Variants in CCAR1 observed in about 807,000 individuals in gnomAD.
CCAR1 encodes the protein cell division cycle and apoptosis regulator 1.
A neutral mutation model predicts 163.8 loss-of-function variants in CCAR1; 78 were observed. That is an observed-to-expected ratio of 0.48 (90% CI 0.40 to 0.57). CCAR1 has a LOEUF of 0.57. Among genes scored for constraint, CCAR1 ranks in the 20% least tolerant of loss-of-function variants. CCAR1 has a pLI of 0.00. For missense variants in CCAR1, 1,019 were observed against 1,365.2 expected, an observed-to-expected ratio of 0.75 and a Z score of 4.00; for synonymous variants, 443 against 460.7, an observed-to-expected ratio of 0.96 and a Z score of 0.49.
intron 19 of CCAR1, 67 bp downstream of exon 19, chr10:68,773,166 T>A: frequency 1.3e-6 from 1 of 796,296 alleles, no homozygotes. Flanking sequence ...TGACATTGTA[T>A]TCACTGAAAT....
At chr10:68,760,959 C>A in intron 15 of CCAR1, 48 bp from the exon 16 acceptor site, 1 of 761,194 alleles carries the variant, frequency 1.3e-6, no homozygotes, top group South Asian at 2.4e-5. Context: ...TGCCCCCCGC[C>A]CCCCGCCACC....
chr10:68,781,218 G>A (rs1334963281), intron 19 of CCAR1, among the ~76,000 whole-genome samples: 1 of 151,384 alleles, frequency 6.6e-6, no homozygotes, highest in Non-Finnish European at 1.5e-5. Flanking sequence ...GGGTGACAGA[G>A]TGAGACTCTG....
intron 16 of CCAR1, among the ~76,000 whole-genome samples, chr10:68,761,506 C>G (rs1190544541): frequency 6.6e-6 from 1 of 151,782 alleles, no homozygotes; most frequent in African/African-American, 2.4e-5. Context: ...CGGGGTTTCA[C>G]CATGTTGGCA....
intron 17 of CCAR1, among the ~76,000 whole-genome samples, chr10:68,767,448 T>C (rs1223985211): frequency 2.6e-5 from 4 of 151,992 alleles, no homozygotes; most frequent in African/African-American, 9.7e-5. Context: ...TTTGTATTTT[T>C]AGTAGGGACA....
intron 10 of CCAR1, among the ~76,000 whole-genome samples, chr10:68,750,783 T>G (rs2056321040): frequency 6.6e-6 from 1 of 152,176 alleles, no homozygotes; most frequent in South Asian, 2.1e-4. Context: ...AATAGCTATA[T>G]GCAATGCAGT....
chr10:68,749,074 C>T, intron 8 of CCAR1, 62 bp from the exon 9 acceptor site: 1 of 1,586,638 alleles, frequency 6.3e-7, no homozygotes, highest in African/African-American at 1.4e-5. Context: ...CTAATTTTAT[C>T]AGGTAATGCC....
intron 22 of CCAR1, 41 bp downstream of exon 22, chr10:68,788,088 T>G: frequency 6.5e-7 from 1 of 1,531,308 alleles, no homozygotes; most frequent in Non-Finnish European, 8.8e-7. Flanking sequence ...ATAAATATAC[T>G]AGTAATTAAA....
intron 11 of CCAR1, 58 bp from the exon 12 acceptor site, chr10:68,754,656 C>CT: frequency 1.2e-6 from 1 of 842,306 alleles, no homozygotes; most frequent in Non-Finnish European, 2.0e-6. Flanking sequence ...AGTAGTGCTT[C>CT]TCATTTTTTC....
intron 6 of CCAR1, among the ~76,000 whole-genome samples, chr10:68,746,195 A>G (rs2056252153): frequency 6.6e-6 from 1 of 151,138 alleles, no homozygotes. Flanking sequence ...CTGGTCTTGA[A>G]CTCCTGACCT....
At chr10:68,727,668 C>A (rs978990855) in intron 2 of CCAR1, among the ~76,000 whole-genome samples, 1 of 152,024 alleles carries the variant, frequency 6.6e-6, no homozygotes. Flanking sequence ...TGCTTTGATA[C>A]GTCTTCAGTG....
intron 24 of CCAR1, 67 bp from the exon 25 acceptor site, chr10:68,791,140 C>T: frequency 1.0e-6 from 1 of 958,052 alleles, no homozygotes; most frequent in Non-Finnish European, 1.6e-6. Flanking sequence ...CCATTGTACT[C>T]TAAAATCAAA....
At position 68,788,193 on chromosome 10, in the gene CCAR1, G is replaced by A. The variant is rs372036224; in HGVS notation, c.3052G>A (p.Val1018Met). 2.1e-5 allele frequency: 34 copies of A among 1,595,760 alleles called. No homozygotes were observed. The African/African-American group carries it at 4.6e-4, about 22-fold the overall frequency. Reference sequence around the variant, plus strand: ...AACAGTAAAGCAGGAATCAAAGGATGTGGAAGAAAATGTTGGCCTCATTGT... The same window carrying A: ...AACAGTAAAGCAGGAATCAAAGGATATGGAAGAAAATGTTGGCCTCATTGT... ...TPTVKQESKD[V>M]EENVGLIVYN... The change falls in exon 23 of 25, where the codon GTG becomes ATG. Residue 1018 changes from valine (V) to methionine (M), a missense_variant. This residue lies in a region of CCAR1 where 358 missense variants were observed against 406.4 expected (regional missense o/e 0.88). Transcript: ENST00000265872.
intron 15 of CCAR1, chr10:68,759,302 C>CTG: frequency 6.6e-6 from 1 of 152,556 alleles, no homozygotes; most frequent in Non-Finnish European, 1.5e-5. Context: ...GTAGTCCCAG[C>CTG]TACTTGGGAA....
In CCAR1 at chr10:68,736,868, C is replaced by G. The variant is rs1192076272; in HGVS notation, c.74-8C>G. On this transcript the variant is annotated splice_region_variant and splice_polypyrimidine_tract_variant and intron_variant, in intron 2 of 24. Transcript: ENST00000265872. Reference sequence around the variant, plus strand: ...ATTTTTATTTTTTCCTTTTTGATTTCATTTTAGCTGCACTGGGTGTTCAAC... The same window carrying G: ...ATTTTTATTTTTTCCTTTTTGATTTGATTTTAGCTGCACTGGGTGTTCAAC... 5.7e-6 allele frequency: 9 copies of G among 1,576,538 alleles called. No individual in the cohort carries two copies. The highest frequency in any genetic ancestry group is 7.7e-6 in the Non-Finnish European group (9 of 1,163,984).
chr10:68,732,156 G>A (rs1193843442), intron 2 of CCAR1, among the ~76,000 whole-genome samples: 1 of 152,114 alleles, frequency 6.6e-6, no homozygotes, highest in Non-Finnish European at 1.5e-5. Context: ...GGTTCAGGTG[G>A]ATGAAAGTGA....
At position 68,722,929 on chromosome 10, in the gene CCAR1, C is replaced by A. The variant is rs1398167844; in HGVS notation, c.73+352C>A. Among the ~76,000 whole-genome samples, 10 of 151,718 alleles carry A rather than the reference C, an allele frequency of 6.6e-5. No individual in the cohort carries two copies. The East Asian group carries it at 1.8e-3, about 27-fold the overall frequency. On this transcript the variant is annotated intron_variant, in intron 2 of 24. Transcript: ENST00000265872. ...AGAGAGATACTCCGTCTCAAAAAAA[C>A]AAAACAAAACAACATGAATTAGGCT...
chr10:68,765,907 A>C lies in CCAR1; in HGVS notation c.2126A>C (p.Gln709Pro). Residue 709 changes from glutamine to proline, a missense_variant, in exon 17 of 25, where the codon CAA becomes CCA. Gln to Pro is a moderately conservative substitution (Grantham distance 76). Coordinates refer to ENST00000265872, the MANE Select transcript of CCAR1 (RefSeq NM_018237.4). Reference protein sequence around the residue: ...DDKEEEERKRQEEIERQRRER... With the variant: ...DDKEEEERKRPEEIERQRRER... ...ATTTAGGAAGAAGAAAGGAAACGTCAAGAGGAAATAGAACGCCAGCGTCGA... is the reference window on the plus strand; with the variant it reads ...ATTTAGGAAGAAGAAAGGAAACGTCCAGAGGAAATAGAACGCCAGCGTCGA... 1.9e-6 allele frequency: 3 copies of C among 1,612,732 alleles called. No individual in the cohort carries two copies. Among genetic ancestry groups the C allele is most frequent in the Non-Finnish European group, 1.7e-6 (2 of 1,179,536 alleles).
Position 68,753,960 on chromosome 10 carries a change from A to G in CCAR1, c.1227A>G (p.Arg409=). Residue 409 remains arginine (R), a synonymous_variant, in exon 11 of 25, where the codon AGA becomes AGG. Coordinates refer to ENST00000265872, the MANE Select transcript of CCAR1 (RefSeq NM_018237.4). ...GGGTGGATGCTTTCCCTTTGTCAAG[A>G]CCATTTCAGCTGGGAAATTACTGCA... The part of the protein sequence containing the change: ...FTWVDAFPLS[R]PFQLGNYCNF... The G allele has an allele frequency of 6.2e-7, 1 of 1,614,002 alleles. No homozygotes were observed. Among genetic ancestry groups the G allele is most frequent in the Admixed American group, 1.7e-5 (1 of 60,026 alleles).
At chr10:68,723,847 C>G (rs2055898411) in intron 2 of CCAR1, among the ~76,000 whole-genome samples, 1 of 40,318 alleles carries the variant, frequency 2.5e-5, no homozygotes, top group Non-Finnish European at 4.9e-5. Flanking sequence ...GACTCCATCT[C>G]AAAAAGAAAA....
Sources: gnomAD v4.1 joint callset for allele counts (sites outside exome capture counted in the v4.1 genomes callset) on GRCh38, gnomAD v4.1.1 for gene constraint, gnomAD v4.1.1 regional missense constraint, MANE v1.5 for transcripts, NCBI Gene and HGNC (gene_info 2026-07-23, HGNC 2026-07-21) for gene names.